The following GRIN2B variants were observed in gnomAD, a reference collection of about 807,000 sequenced individuals.
GRIN2B encodes glutamate ionotropic receptor NMDA type subunit 2B.
In GRIN2B, 5 loss-of-function variants were observed where a neutral mutation model predicts 114.5. The ratio of observed to expected loss-of-function variants is 0.04; its 90% confidence interval spans 0.02 to 0.09. GRIN2B has a LOEUF of 0.09. Among genes scored for constraint, GRIN2B ranks in the 10% least tolerant of loss-of-function variants. The pLI, the probability that GRIN2B is intolerant of heterozygous loss-of-function variation, is 1.00. For missense variants in GRIN2B, 1,108 were observed against 1,943.5 expected, an observed-to-expected ratio of 0.57 and a Z score of 8.08; for synonymous variants, 787 against 745.1, an observed-to-expected ratio of 1.06 and a Z score of -0.92.
At chr12:13,902,307 A>G (rs1476408298) in intron 2 of GRIN2B, among the ~76,000 whole-genome samples, 1 of 152,176 alleles carries the variant, frequency 6.6e-6, no homozygotes, top group African/African-American at 2.4e-5. Flanking sequence ...ATTAAATTGA[A>G]TCTTACATCG....
intron 3 of GRIN2B, among the ~76,000 whole-genome samples, chr12:13,821,539 G>A (rs1309539735): frequency 6.6e-6 from 1 of 152,182 alleles, no homozygotes; most frequent in Non-Finnish European, 1.5e-5. Context: ...TGGGACTGGT[G>A]TTAGGAAGAA....
chr12:13,776,584 C>T (rs530595750), intron 3 of GRIN2B, among the ~76,000 whole-genome samples: 31 of 152,134 alleles, frequency 2.0e-4, no homozygotes, highest in East Asian at 3.9e-4. Flanking sequence ...TAATCTTACA[C>T]GACAGCACAC....
chr12:13,773,168 T>A (rs1469887873), intron 3 of GRIN2B, among the ~76,000 whole-genome samples: 1 of 152,132 alleles, frequency 6.6e-6, no homozygotes, highest in African/African-American at 2.4e-5. Flanking sequence ...TTCCTACCCA[T>A]CCAGCAATAA....
At chr12:13,875,301 G>A (rs1463053845) in intron 2 of GRIN2B, among the ~76,000 whole-genome samples, 1 of 152,176 alleles carries the variant, frequency 6.6e-6, no homozygotes, top group African/African-American at 2.4e-5. Context: ...GGCCAAGGTG[G>A]GTGGATCACG....
At chr12:13,592,443 GCTGTA>G (rs1445616308) in intron 10 of GRIN2B, among the ~76,000 whole-genome samples, 1 of 152,148 alleles carries the variant, frequency 6.6e-6, no homozygotes, top group African/African-American at 2.4e-5. Flanking sequence ...GCTTCTCTCT[GCTGTA>G]CTGCCTGTTG....
At chr12:13,747,983 T>A (rs899275036) in intron 4 of GRIN2B, among the ~76,000 whole-genome samples, 2 of 152,232 alleles carry the variant, frequency 1.3e-5, no homozygotes, top group African/African-American at 4.8e-5. Flanking sequence ...TGCCTCAAGG[T>A]TGTAGGAAGA....
intron 2 of GRIN2B, among the ~76,000 whole-genome samples, chr12:13,932,986 T>C (rs219890): frequency 0.55 from 81,304 of 148,312 alleles, 22,559 homozygotes; most frequent in Non-Finnish European, 0.61. Flanking sequence ...TGTGTGTGTG[T>C]GCGTGTGCGT....
At chr12:13,917,236 A>G (rs1166066403) in intron 2 of GRIN2B, among the ~76,000 whole-genome samples, 1 of 152,144 alleles carries the variant, frequency 6.6e-6, no homozygotes, top group African/African-American at 2.4e-5. Flanking sequence ...CCCACTAATA[A>G]AACCCCATAA....
At position 13,665,162 on chromosome 12, in the gene GRIN2B, TGTGTTTGTG is replaced by T. The variant is rs1591665456; in HGVS notation, c.1125+10574_1125+10582del. Among the ~76,000 whole-genome samples the T allele has an allele frequency of 4.3e-4, 10 of 23,470 alleles. No homozygotes were observed. In the East Asian group the frequency reaches 0.02, roughly 47 times the overall value. 15.4% of individuals were successfully genotyped at this position (23,470 alleles called of 152,430 possible). A position where few individuals can be genotyped will look rare whatever the true frequency, so the allele number is the denominator to read the frequency against. ...GTGTGTGTGTTTGTGTGTGTGTGTG[TGTGTTTGTG>T]TGTGTGTGTGTGTGTGTGTGATAAC... On this transcript the variant is annotated intron_variant, in intron 5 of 13. Coordinates refer to ENST00000609686, the MANE Select transcript of GRIN2B (RefSeq NM_000834.5).
chr12:13,667,756 T>C (rs1436707326), intron 5 of GRIN2B, among the ~76,000 whole-genome samples: 1 of 152,180 alleles, frequency 6.6e-6, no homozygotes, highest in Non-Finnish European at 1.5e-5. Flanking sequence ...TTCTGTATTG[T>C]ATTACAGTGT....
intron 3 of GRIN2B, among the ~76,000 whole-genome samples, chr12:13,781,872 G>A (rs1010744146): frequency 6.6e-6 from 1 of 152,136 alleles, no homozygotes; most frequent in African/African-American, 2.4e-5. Flanking sequence ...GTGAGATGTT[G>A]AACTAAATGA....
intron 2 of GRIN2B, among the ~76,000 whole-genome samples, chr12:13,937,388 C>T (rs219899): frequency 0.03 from 4,484 of 151,342 alleles, 227 homozygotes; most frequent in African/African-American, 0.1. Flanking sequence ...GCTAAAGAGA[C>T]GATCTTGAAA....
chr12:13,607,186 A>G (rs1427911429), intron 10 of GRIN2B, among the ~76,000 whole-genome samples: 2 of 119,918 alleles, frequency 1.7e-5, no homozygotes, highest in Non-Finnish European at 3.3e-5. Flanking sequence ...TATAATAAAT[A>G]TATAAAAAAT....
At chr12:13,909,705 C>T (rs75863013) in intron 2 of GRIN2B, among the ~76,000 whole-genome samples, 106 of 152,128 alleles carry the variant, frequency 7.0e-4, no homozygotes, top group African/African-American at 2.5e-3. Flanking sequence ...TAAGAAAGTG[C>T]CTTAAGGTGT....
At chr12:13,689,343 G>A (rs531055968) in intron 4 of GRIN2B, among the ~76,000 whole-genome samples, 2 of 152,242 alleles carry the variant, frequency 1.3e-5, no homozygotes, top group South Asian at 4.1e-4. Context: ...ACTTGGAAAG[G>A]TGCCTGGCAC....
At chr12:13,581,909 CAAAAAAA>C (rs71067711) in intron 10 of GRIN2B, among the ~76,000 whole-genome samples, 1 of 120,322 alleles carries the variant, frequency 8.3e-6, no homozygotes, top group Admixed American at 8.8e-5. Flanking sequence ...GACTTTGTCT[CAAAAAAA>C]AAAAAAAAAA....
chr12:13,560,824 G>C lies in GRIN2B; in HGVS notation c.*1959C>G, dbSNP rs1205879009. The C allele has an allele frequency of 6.6e-6, 1 of 152,346 alleles. No individual in the cohort carries two copies. Among genetic ancestry groups the C allele is most frequent in the African/African-American group, 2.4e-5 (1 of 41,462 alleles). The allele number at this position is 152,346 out of a possible 1,614,324, so 9.4% of individuals were successfully genotyped here. A position where few individuals can be genotyped will look rare whatever the true frequency, so the allele number is the denominator to read the frequency against. On this transcript the variant is annotated 3_prime_UTR_variant, in exon 14 of 14. Coordinates refer to ENST00000609686, the MANE Select transcript of GRIN2B (RefSeq NM_000834.5). ...TCAAGGAGGAGGGTTGGGGACAGCAGTCAAGGGCGGGATGAGGAAGGGTCA... is the reference window on the plus strand; with the variant it reads ...TCAAGGAGGAGGGTTGGGGACAGCACTCAAGGGCGGGATGAGGAAGGGTCA...
chr12:13,820,515 G>A (rs1027419390), intron 3 of GRIN2B, among the ~76,000 whole-genome samples: 1 of 152,112 alleles, frequency 6.6e-6, no homozygotes, highest in African/African-American at 2.4e-5. Flanking sequence ...CTGACAGCAC[G>A]CATTGTTCAC....
Position 13,563,458 on chromosome 12 carries a change from C to A in GRIN2B, c.3780G>T (p.Leu1260=). ...GGGCAGCCGGCTGGTCCAGTTCCTG[C>A]AGGGAGTTGTCCTCACTGATGTCAT... ...NLYDISEDNS[L]QELDQPAAPV... The change falls in exon 14 of 14, where the codon CTG becomes CTT. Residue 1260 remains leucine (L), a synonymous_variant. Coordinates refer to ENST00000609686, the MANE Select transcript of GRIN2B (RefSeq NM_000834.5). 6.2e-7 allele frequency: 1 copy of A among 1,614,190 alleles called. No homozygotes were observed. Among genetic ancestry groups the A allele is most frequent in the Non-Finnish European group, 8.5e-7 (1 of 1,180,044 alleles).
Sources: allele counts gnomAD v4.1 joint callset (sites outside exome capture counted in the v4.1 genomes callset), GRCh38; gene constraint gnomAD v4.1.1; transcripts MANE v1.5; gene names NCBI Gene and HGNC (gene_info 2026-07-23, HGNC 2026-07-21).